Variants in WDPCP observed in about 807,000 individuals in gnomAD.
The protein encoded by WDPCP is WD repeat-containing and planar cell polarity effector protein fritz homolog.
WDPCP carries 71 observed loss-of-function variants against 93.1 expected under a neutral mutation model. The ratio of observed to expected loss-of-function variants is 0.76; its 90% CI spans 0.63 to 0.93. The LOEUF is 0.93. WDPCP is among the 40% of genes least tolerant of loss of function. The pLI is 0.00. For synonymous variants in WDPCP, 315 were observed against 315.0 expected, an observed-to-expected ratio of 1.00 and a Z score of 0.00; for missense variants, 844 against 887.4, an observed-to-expected ratio of 0.95 and a Z score of 0.62.
intron 2 of WDPCP, among the ~76,000 whole-genome samples, chr2:63,715,996 C>G (rs765642634): frequency 2.0e-5 from 3 of 152,222 alleles, no homozygotes; most frequent in East Asian, 1.9e-4. Context: ...ATGTGCTTAA[C>G]TGCAGAGGGG....
chr2:63,625,359 A>G (rs1709798647), intron 3 of WDPCP, among the ~76,000 whole-genome samples: 1 of 152,354 alleles, frequency 6.6e-6, no homozygotes, highest in African/African-American at 2.4e-5. Flanking sequence ...AATAAAGGGT[A>G]TTCAAACAGG....
At chr2:63,264,367 C>A (rs563197373) in intron 13 of WDPCP, among the ~76,000 whole-genome samples, 1 of 152,242 alleles carries the variant, frequency 6.6e-6, no homozygotes, top group East Asian at 1.9e-4. Context: ...AGGCTGGGTG[C>A]GGTGGCTCAC....
intron 1 of WDPCP, among the ~76,000 whole-genome samples, chr2:63,536,347 A>G (rs946386872): frequency 1.8e-4 from 27 of 152,224 alleles, no homozygotes; most frequent in Non-Finnish European, 2.5e-4. Flanking sequence ...TGACCCAGCC[A>G]TCCCATTACT....
At chr2:63,375,023 A>G (rs1021859198) in intron 12 of WDPCP, among the ~76,000 whole-genome samples, 2 of 152,096 alleles carry the variant, frequency 1.3e-5, no homozygotes, top group African/African-American at 4.8e-5. Context: ...CTGTGCCACA[A>G]TCACATAACA....
chr2:63,549,207 G>GCCAT (rs1705381986), intron 1 of WDPCP, among the ~76,000 whole-genome samples: 1 of 134,626 alleles, frequency 7.4e-6, no homozygotes, highest in African/African-American at 2.9e-5. Flanking sequence ...CCAGGATCCT[G>GCCAT]CCATTATACT....
intron 1 of WDPCP, among the ~76,000 whole-genome samples, chr2:63,530,636 C>T (rs533844829): frequency 1.3e-5 from 2 of 152,320 alleles, no homozygotes; most frequent in South Asian, 4.1e-4. Context: ...ATAAACTGTC[C>T]TTCATCTCTG....
intron 1 of WDPCP, among the ~76,000 whole-genome samples, chr2:63,544,139 T>A (rs544982469): frequency 1.3e-5 from 2 of 152,290 alleles, no homozygotes; most frequent in African/African-American, 4.8e-5. Context: ...TTCTTCAAAC[T>A]ATAATTTTAA....
intron 12 of WDPCP, among the ~76,000 whole-genome samples, chr2:63,318,683 T>C (rs1385214979): frequency 6.6e-6 from 1 of 152,182 alleles, no homozygotes; most frequent in East Asian, 1.9e-4. Context: ...AAATACCCCA[T>C]GTTCTCTCTT....
At chr2:63,367,056 A>G (rs1299457492) in intron 12 of WDPCP, among the ~76,000 whole-genome samples, 1 of 151,188 alleles carries the variant, frequency 6.6e-6, no homozygotes, top group Non-Finnish European at 1.5e-5. Flanking sequence ...ATATGAATAT[A>G]TATATTCATT....
intron 3 of WDPCP, among the ~76,000 whole-genome samples, chr2:63,646,523 C>T (rs1463149102): frequency 1.3e-5 from 2 of 152,022 alleles, no homozygotes; most frequent in African/African-American, 2.4e-5. Context: ...TTACATACTG[C>T]TTGTTCACAT....
intron 1 of WDPCP, 45 bp from the exon 2 acceptor site, chr2:63,492,985 T>G: frequency 6.5e-7 from 1 of 1,532,972 alleles, no homozygotes; most frequent in Non-Finnish European, 9.0e-7. Context: ...AATTATCTTC[T>G]ATTGCCAATA....
In WDPCP at chr2:63,793,910, A is replaced by G. The variant is rs1053460596; in HGVS notation, n.308+19712T>C. On this transcript the variant is annotated intron_variant and non_coding_transcript_variant, in intron 2 of 4. Coordinates refer to the WDPCP transcript ENST00000467687. Reference sequence around the variant, plus strand: ...TGTGTGTGTGTGTGTGTGTGTGTGTATCATATTGCCATTTTTAGAATGCAG... The same window carrying G: ...TGTGTGTGTGTGTGTGTGTGTGTGTGTCATATTGCCATTTTTAGAATGCAG... Among the ~76,000 whole-genome samples the G allele has an allele frequency of 2.8e-5, 4 of 140,786 alleles. 1 individual carries two copies. Among genetic ancestry groups the G allele is most frequent in the South Asian group, 4.6e-4 (2 of 4,382 alleles). The allele number at this position is 140,786 out of a possible 152,430, so 92.4% of individuals were successfully genotyped here. A position where few individuals can be genotyped will look rare whatever the true frequency, so the allele number is the denominator to read the frequency against.
At chr2:63,494,351 AATG>A (rs1701089218) in intron 1 of WDPCP, among the ~76,000 whole-genome samples, 1 of 152,126 alleles carries the variant, frequency 6.6e-6, no homozygotes, top group African/African-American at 2.4e-5. Context: ...TGAGGAAGAA[AATG>A]ATGGTGATAA....
At chr2:63,342,638 T>C (rs1274526100) in intron 12 of WDPCP, among the ~76,000 whole-genome samples, 2 of 152,214 alleles carry the variant, frequency 1.3e-5, no homozygotes, top group Non-Finnish European at 2.9e-5. Context: ...AATACTTTGC[T>C]TCTCTATAGC....
At chr2:63,128,860 G>C (rs1220739296) in intron 17 of WDPCP, among the ~76,000 whole-genome samples, 2 of 152,136 alleles carry the variant, frequency 1.3e-5, no homozygotes, top group African/African-American at 4.8e-5. Context: ...TAGAGATGGG[G>C]TTTCTCCGTG....
At chr2:63,749,412 G>C (rs1669845691) in intron 2 of WDPCP, among the ~76,000 whole-genome samples, 1 of 152,208 alleles carries the variant, frequency 6.6e-6, no homozygotes, top group South Asian at 2.1e-4. Context: ...ACAATGGTTT[G>C]CTTATAATTT....
chr2:63,170,022 AGCT>A (rs1673267849), intron 15 of WDPCP, among the ~76,000 whole-genome samples: 6 of 150,796 alleles, frequency 4.0e-5, no homozygotes, highest in Non-Finnish European at 5.9e-5. Flanking sequence ...TCTCCCAAGT[AGCT>A]GGGACTGCAG....
At chr2:63,272,659 GA>G (rs1200463721) in intron 13 of WDPCP, among the ~76,000 whole-genome samples, 8 of 152,056 alleles carry the variant, frequency 5.3e-5, no homozygotes, top group African/African-American at 9.7e-5. Flanking sequence ...TGAAACTGAA[GA>G]ATTCAATGAA....
intron 2 of WDPCP, among the ~76,000 whole-genome samples, chr2:63,724,313 C>CT (rs530632283): frequency 1.2e-3 from 179 of 148,698 alleles, no homozygotes; most frequent in Non-Finnish European, 1.3e-3. Context: ...GGTCTTCAGC[C>CT]TTTTTTTTTT....
Sources: gnomAD v4.1 joint callset for allele counts (sites outside exome capture counted in the v4.1 genomes callset) on GRCh38, gnomAD v4.1.1 for gene constraint, MANE v1.5 for transcripts, NCBI Gene and HGNC (gene_info 2026-07-23, HGNC 2026-07-21) for gene names.